Variants in ATP6V1C2 observed in about 807,000 individuals in gnomAD.
ATP6V1C2 encodes ATPase H+ transporting V1 subunit C2.
Under a neutral mutation model 56.8 loss-of-function variants are expected in ATP6V1C2, and 45 were observed. The observed-to-expected ratio is 0.79, with a 90% CI of 0.62 to 1.02. The LOEUF is 1.02. Among genes scored for constraint, ATP6V1C2 ranks in the 50% least tolerant of loss-of-function variants. The probability of loss-of-function intolerance (pLI) is 0.00; values close to 1 mark genes in which losing one functional copy is unlikely to be tolerated. For missense variants in ATP6V1C2, 463 were observed against 519.7 expected (o/e 0.89, Z 1.06); for synonymous variants, 220 against 201.3 (o/e 1.09, Z -0.79).
At chr2:10,753,196 G>T (rs1430941070) in intron 3 of ATP6V1C2, among the ~76,000 whole-genome samples, 2 of 152,108 alleles carry the variant, frequency 1.3e-5, no homozygotes, top group Non-Finnish European at 2.9e-5. Flanking sequence ...ATGTAAAGTA[G>T]GAAAAACACT....
intron 4 of ATP6V1C2, among the ~76,000 whole-genome samples, chr2:10,761,419 G>A (rs543523810): frequency 1.3e-5 from 2 of 152,150 alleles, no homozygotes; most frequent in South Asian, 4.1e-4. Context: ...AGGAGTCCCC[G>A]CCATCCTCCT....
chr2:10,728,185 G>A (rs1332660002), intron 3 of ATP6V1C2, among the ~76,000 whole-genome samples: 3 of 152,074 alleles, frequency 2.0e-5, no homozygotes, highest in Non-Finnish European at 4.4e-5. Flanking sequence ...GGGCTCAAGC[G>A]ATCCTCCTAC....
At position 10,739,651 on chromosome 2, in the gene ATP6V1C2, G is replaced by C. The variant is rs528520022; in HGVS notation, c.197+13082G>C. On this transcript the variant is annotated intron_variant, in intron 3 of 13. Transcript: ENST00000272238. ...CAGCCCGGTCCCTCTAGGTGACCCC[G>C]TTTTAATTATCTGCATTCCACAGCC... 8.5e-4 allele frequency among the ~76,000 whole-genome samples: 130 copies of C among 152,174 alleles called. 1 individual carries two copies. Among genetic ancestry groups the C allele is most frequent in the African/African-American group, 3.0e-3 (125 of 41,526 alleles).
intron 3 of ATP6V1C2, among the ~76,000 whole-genome samples, chr2:10,738,874 G>T (rs1662396805): frequency 6.6e-6 from 1 of 152,174 alleles, no homozygotes. Context: ...CGCCAGTAAG[G>T]ACGGAGTCCT....
In ATP6V1C2 at chr2:10,780,971, C is replaced by T. The variant is rs886818138; in HGVS notation, c.1062-1272C>T. ...CGTTGGCCAGGCTGGTCTTGAACTC[C>T]TGACCTCAGGTGATCCAGCCTGCCT... On this transcript the variant is annotated intron_variant, in intron 12 of 13. Coordinates refer to ENST00000272238, the MANE Select transcript of ATP6V1C2 (RefSeq NM_001039362.2). This position sits in a 1 kb window ranked among gnomAD's most constrained non-coding sequence, Gnocchi z 4.1. 6.6e-6 allele frequency among the ~76,000 whole-genome samples: 1 copy of T among 152,156 alleles called. No individual in the cohort carries two copies. The highest frequency in any genetic ancestry group is 2.4e-5 in the African/African-American group (1 of 41,426).
Position 10,776,286 on chromosome 2 carries a change from C to T in ATP6V1C2, c.825+1215C>T, listed in dbSNP as rs543938590. 4.0e-4 allele frequency among the ~76,000 whole-genome samples: 57 copies of T among 142,134 alleles called. 1 individual carries two copies. The highest frequency in any genetic ancestry group is 3.5e-3 in the Middle Eastern group (1 of 284). 93.2% of individuals were successfully genotyped at this position (142,134 alleles called of 152,430 possible). ...ACACACGTGTGTGTGTGTGTGCGCG[C>T]GCACGTGCATGTATGAGTGTGTGTG... On this transcript the variant is annotated intron_variant, in intron 10 of 13. Transcript: ENST00000272238.
At position 10,783,228 on chromosome 2, in the gene ATP6V1C2, G is replaced by C; in HGVS notation, c.1249G>C (p.Val417Leu). 1 of 1,613,834 alleles carries C rather than the reference G, an allele frequency of 6.2e-7. No homozygotes were observed. Among genetic ancestry groups the C allele is most frequent in the Non-Finnish European group, 8.5e-7 (1 of 1,179,752 alleles). The change falls in exon 14 of 14, where the codon GTC (valine) becomes CTC (leucine). Residue 417 changes from valine to leucine, a missense_variant. Val to Leu is a conservative substitution (Grantham distance 32). Transcript: ENST00000272238. ...CAATAACCAAGACTATTTTCCTTAT[G>C]TCTACTTCCATATTGACCTTAGTCT... The part of the protein sequence containing the change: ...QLNNQDYFPY[V>L]YFHIDLSLLD
rs558705642 is a variant in ATP6V1C2 at position 10,758,598 on chromosome 2, T to TAAAAC, written c.283+4554_283+4558dup. On this transcript the variant is annotated intron_variant, in intron 4 of 13. Coordinates refer to ENST00000272238, the MANE Select transcript of ATP6V1C2 (RefSeq NM_001039362.2). ...GACAACATAGCAAGACCTTGTCTCTTAAAACAAAACAAAACAAAACAAAAC... is the reference window on the plus strand; with the variant it reads ...GACAACATAGCAAGACCTTGTCTCTTAAAACAAAACAAAACAAAACAAAACAAAAC... Among the ~76,000 whole-genome samples, 768 of 151,746 alleles carry TAAAAC rather than the reference T, an allele frequency of 5.1e-3. 8 individuals carry two copies. Among genetic ancestry groups the TAAAAC allele is most frequent in the African/African-American group, 0.017 (701 of 41,362 alleles).
rs201948720 is a variant in ATP6V1C2, at chr2:10,782,393, G to A, written c.1194+18G>A. The A allele has an allele frequency of 5.6e-6, 9 of 1,612,782 alleles. No homozygotes were observed. The highest frequency in any genetic ancestry group is 1.7e-4 in the Middle Eastern group (1 of 6,044). On this transcript the variant is annotated intron_variant, in intron 13 of 13. Transcript: ENST00000272238. ...TACTGGATGTAGGTATCCAGAAACA[G>A]CAGTATTTCTACAGTAAGCTCAGCA...
intron 4 of ATP6V1C2, among the ~76,000 whole-genome samples, chr2:10,754,683 C>T (rs1663426443): frequency 6.6e-6 from 1 of 152,162 alleles, no homozygotes; most frequent in South Asian, 2.1e-4. Flanking sequence ...CGCCATTCTC[C>T]AGCCTCAGCC....
chr2:10,771,733 C>A, intron 6 of ATP6V1C2, 106 bp from the exon 7 acceptor site: 2 of 828,384 alleles, frequency 2.4e-6, no homozygotes, highest in Non-Finnish European at 4.2e-6. Flanking sequence ...CTGGCACCCA[C>A]CCTTCCTTGA....
Position 10,784,294 on chromosome 2 carries a change from A to G in ATP6V1C2, c.*1031A>G, listed in dbSNP as rs754428498. On this transcript the variant is annotated 3_prime_UTR_variant, in exon 14 of 14. Coordinates refer to ENST00000272238, the MANE Select transcript of ATP6V1C2 (RefSeq NM_001039362.2). ...CTTTCCCTAAGTCATCAAGCTCCAC[A>G]TCACTGAGGTCAATGTCATCCTCCA... 1 of 1,613,516 alleles carries G rather than the reference A, an allele frequency of 6.2e-7. No homozygotes were observed. The highest frequency in any genetic ancestry group is 1.1e-5 in the South Asian group (1 of 90,974).
intron 3 of ATP6V1C2, among the ~76,000 whole-genome samples, chr2:10,748,812 T>G (rs111947189): frequency 2.0e-5 from 3 of 152,244 alleles, no homozygotes; most frequent in Admixed American, 6.5e-5. Flanking sequence ...GGAATGTCAC[T>G]TAGCTCAAAA....
chr2:10,777,460 C>T lies in ATP6V1C2; in HGVS notation c.826-125C>T, dbSNP rs189122052. ...CCACATCTCTAGTCTAGCCAGCACG[C>T]GAGTCCCGAGGGTGGGCCTGAATTC... On this transcript the variant is annotated intron_variant, in intron 10 of 13. Transcript: ENST00000272238. 3.4e-5 allele frequency: 43 copies of T among 1,276,422 alleles called. No homozygotes were observed. The Admixed American group carries it at 3.8e-4, about 11-fold the overall frequency. The allele number at this position is 1,276,422 out of a possible 1,614,324, so 79.1% of individuals were successfully genotyped here. A position where few individuals can be genotyped will look rare whatever the true frequency, so the allele number is the denominator to read the frequency against.
intron 5 of ATP6V1C2, chr2:10,767,834 A>G (rs1484989386): frequency 6.6e-6 from 1 of 152,080 alleles, no homozygotes; most frequent in Non-Finnish European, 1.5e-5. Flanking sequence ...AAATTATTTT[A>G]TGATTTTATC....
intron 4 of ATP6V1C2, among the ~76,000 whole-genome samples, chr2:10,757,257 C>A (rs1193595534): frequency 6.6e-6 from 1 of 152,096 alleles, no homozygotes; most frequent in African/African-American, 2.4e-5. Flanking sequence ...AGGTGATCCG[C>A]CAGCCTCGGC....
intron 3 of ATP6V1C2, among the ~76,000 whole-genome samples, chr2:10,738,073 C>T (rs965205223): frequency 1.1e-4 from 16 of 152,174 alleles, no homozygotes; most frequent in Admixed American, 3.3e-4. Flanking sequence ...TCTTGAATTC[C>T]GTGCTGCCTG....
chr2:10,731,831 A>T (rs1034178820), intron 3 of ATP6V1C2, among the ~76,000 whole-genome samples: 4 of 152,024 alleles, frequency 2.6e-5, no homozygotes, highest in Non-Finnish European at 5.9e-5. Context: ...AAATTTAGCC[A>T]GGTGTGGTGG....
chr2:10,779,965 C>G (rs1665249084), intron 12 of ATP6V1C2, among the ~76,000 whole-genome samples: 1 of 152,184 alleles, frequency 6.6e-6, no homozygotes, highest in Non-Finnish European at 1.5e-5. Context: ...TGCGCACCGC[C>G]TGCCGCTCTG....
Sources: allele counts gnomAD v4.1 joint callset (sites outside exome capture counted in the v4.1 genomes callset), GRCh38; gene constraint gnomAD v4.1.1; non-coding constraint Gnocchi (gnomAD v3.1); transcripts MANE v1.5; gene names NCBI Gene and HGNC (gene_info 2026-07-23, HGNC 2026-07-21).